Variants in LRP1B observed in about 807,000 individuals in gnomAD.
LRP1B encodes the protein low-density lipoprotein receptor-related protein 1B.
In LRP1B, 217 loss-of-function variants were observed where a neutral mutation model predicts 556.6. The observed-to-expected ratio is 0.39, with a 90% CI of 0.35 to 0.44. The LOEUF (loss-of-function observed/expected upper bound fraction) is 0.44. Ranked by LOEUF, LRP1B falls within the 20% of genes least tolerant of loss-of-function variation. The probability of loss-of-function intolerance (pLI) is 1.00; values close to 1 mark genes in which losing one functional copy is unlikely to be tolerated. For synonymous variants in LRP1B, 2,047 were observed against 1,865.8 expected (o/e 1.10, Z -2.50); for missense variants, 5,053 against 5,620.8 (o/e 0.90, Z 3.23).
At chr2:141,314,418 C>G (rs1328036594) in intron 3 of LRP1B, among the ~76,000 whole-genome samples, 2 of 152,040 alleles carry the variant, frequency 1.3e-5, no homozygotes, top group African/African-American at 4.8e-5. Flanking sequence ...TTTGAGTCTC[C>G]TAGGGAATGT....
intron 51 of LRP1B, among the ~76,000 whole-genome samples, chr2:140,512,169 T>C (rs1689693732): frequency 6.6e-6 from 1 of 152,026 alleles, no homozygotes; most frequent in Admixed American, 6.5e-5. Flanking sequence ...TGATGAAGAC[T>C]AGTGTCTGAA....
intron 2 of LRP1B, among the ~76,000 whole-genome samples, chr2:141,526,261 G>A (rs890027211): frequency 1.3e-5 from 2 of 151,974 alleles, no homozygotes; most frequent in African/African-American, 2.4e-5. Flanking sequence ...AGCACATAAA[G>A]TTTCTTTTTA....
intron 2 of LRP1B, among the ~76,000 whole-genome samples, chr2:141,663,702 T>C (rs745719061): frequency 8.6e-5 from 13 of 151,992 alleles, no homozygotes; most frequent in Non-Finnish European, 1.6e-4. Context: ...AGAAATAGCC[T>C]ACTAAACAAG....
chr2:140,545,015 G>A (rs182158738), intron 43 of LRP1B, among the ~76,000 whole-genome samples: 55 of 152,040 alleles, frequency 3.6e-4, no homozygotes, highest in African/African-American at 1.1e-3. Context: ...GTATCTCATC[G>A]TGGTTTTGAT....
At chr2:140,978,164 C>A (rs1335502244) in intron 18 of LRP1B, among the ~76,000 whole-genome samples, 1 of 152,154 alleles carries the variant, frequency 6.6e-6, no homozygotes, top group Non-Finnish European at 1.5e-5. Flanking sequence ...CGTGCACCCA[C>A]ATATAATCTC....
At position 140,883,299 on chromosome 2, in the gene LRP1B, TC is replaced by T. The variant is rs1179725169; in HGVS notation, c.4169+517del. ...AATCATATGCTTTGTCTTTCAAACCTCCTAACAGTCAATATCTCACCACTGG... is the reference window on the plus strand; with the variant it reads ...AATCATATGCTTTGTCTTTCAAACCTCTAACAGTCAATATCTCACCACTGG... On this transcript the variant is annotated intron_variant, in intron 25 of 90. Transcript: ENST00000389484. 7.9e-5 allele frequency among the ~76,000 whole-genome samples: 12 copies of T among 152,250 alleles called. No homozygotes were observed. The East Asian group carries it at 2.3e-3, about 29-fold the overall frequency.
At chr2:140,748,782 A>C (rs1375593868) in intron 35 of LRP1B, among the ~76,000 whole-genome samples, 1 of 52,754 alleles carries the variant, frequency 1.9e-5, no homozygotes, top group Non-Finnish European at 4.3e-5. Flanking sequence ...TAATATGTAT[A>C]TAATATATAT....
At chr2:140,604,209 T>C (rs1682781875) in intron 41 of LRP1B, among the ~76,000 whole-genome samples, 1 of 150,086 alleles carries the variant, frequency 6.7e-6, no homozygotes, top group Non-Finnish European at 1.5e-5. Context: ...CCTGTCTCCT[T>C]ACCTCATGCA....
At chr2:141,519,363 A>G (rs1684446202) in intron 2 of LRP1B, among the ~76,000 whole-genome samples, 1 of 13,668 alleles carries the variant, frequency 7.3e-5, no homozygotes, top group Non-Finnish European at 1.8e-4. Context: ...AGTCAATGAT[A>G]TATATATATA....
intron 1 of LRP1B, among the ~76,000 whole-genome samples, chr2:142,017,681 G>A (rs1703193076): frequency 6.6e-6 from 1 of 151,884 alleles, no homozygotes; most frequent in Non-Finnish European, 1.5e-5. Context: ...TTTGAGACCA[G>A]CCCAAGAGTT....
chr2:140,961,221 A>C (rs2105315087), intron 18 of LRP1B, among the ~76,000 whole-genome samples: 1 of 152,180 alleles, frequency 6.6e-6, no homozygotes, highest in East Asian at 1.9e-4. Flanking sequence ...AACAAAATTA[A>C]TAGGCTTGAT....
At chr2:140,549,836 G>C (rs934426208) in intron 43 of LRP1B, among the ~76,000 whole-genome samples, 2 of 152,012 alleles carry the variant, frequency 1.3e-5, no homozygotes, top group African/African-American at 4.8e-5. Flanking sequence ...GCCTAGCATC[G>C]GCTGTAGTGT....
intron 3 of LRP1B, among the ~76,000 whole-genome samples, chr2:141,394,725 C>A (rs953687297): frequency 6.6e-6 from 1 of 151,882 alleles, no homozygotes; most frequent in Non-Finnish European, 1.5e-5. Context: ...AAATTTTGAA[C>A]TTTAAAAATA....
Position 140,487,687 on chromosome 2 carries a change from T to C in LRP1B, c.9173A>G (p.Tyr3058Cys), listed in dbSNP as rs1477555557. Reference protein sequence around the residue: ...IDFDYREEFIYWIDSSRPNGS... With the variant: ...IDFDYREEFICWIDSSRPNGS... ...ATTGGGTCGGCTAGAATCGATCCAA[T>C]AGATGAATTCTTCTCTGTAATCAAA... Residue 3058 changes from tyrosine to cysteine, a missense_variant, in exon 58 of 91, where the codon TAT becomes TGT. By Grantham distance (194) the Tyr-to-Cys change is radical. This residue lies in a region of LRP1B where 3,619 missense variants were observed against 3,931.9 expected (regional missense o/e 0.92). Transcript: ENST00000389484. 1.9e-6 allele frequency: 3 copies of C among 1,595,854 alleles called. No homozygotes were observed.
chr2:141,418,432 A>ATAT (rs1553512207), intron 3 of LRP1B, among the ~76,000 whole-genome samples: 2 of 140,892 alleles, frequency 1.4e-5, no homozygotes, highest in African/African-American at 5.2e-5. Flanking sequence ...AGAGCACAAT[A>ATAT]TTTTTTTTTT....
intron 43 of LRP1B, among the ~76,000 whole-genome samples, chr2:140,562,706 C>T (rs1680975672): frequency 6.6e-6 from 1 of 152,056 alleles, no homozygotes; most frequent in Non-Finnish European, 1.5e-5. Flanking sequence ...TTGCAACCTC[C>T]ACCTCCTGGG....
intron 3 of LRP1B, among the ~76,000 whole-genome samples, chr2:141,467,331 GA>G (rs1682270897): frequency 6.6e-6 from 1 of 151,910 alleles, no homozygotes; most frequent in Non-Finnish European, 1.5e-5. Context: ...TTGGAGAAGT[GA>G]AAGAAAAGCA....
At chr2:141,304,288 T>C (rs1686501985) in intron 3 of LRP1B, among the ~76,000 whole-genome samples, 1 of 152,060 alleles carries the variant, frequency 6.6e-6, no homozygotes, top group South Asian at 2.1e-4. Context: ...TGTACCTATT[T>C]TTATTTTTGT....
chr2:140,299,995 G>A (rs1683752592), intron 83 of LRP1B, among the ~76,000 whole-genome samples: 1 of 151,886 alleles, frequency 6.6e-6, no homozygotes, highest in Non-Finnish European at 1.5e-5. Flanking sequence ...AATGATACAA[G>A]TGTGAAAGAA....
Sources: gnomAD v4.1 joint callset for allele counts (sites outside exome capture counted in the v4.1 genomes callset) on GRCh38, gnomAD v4.1.1 for gene constraint, gnomAD v4.1.1 regional missense constraint, MANE v1.5 for transcripts, NCBI Gene and HGNC (gene_info 2026-07-23, HGNC 2026-07-21) for gene names.